The following ZNF776 variants were observed in gnomAD, a reference collection of about 807,000 sequenced individuals.
ZNF776 encodes zinc finger protein 776.
ZNF776 carries 4 observed loss-of-function variants against 7.0 expected under a neutral mutation model. The ratio of observed to expected loss-of-function variants is 0.57; its 90% CI spans 0.28 to 1.31. The LOEUF (loss-of-function observed/expected upper bound fraction) is 1.31. ZNF776 is among the 50% of genes most tolerant of loss of function. The pLI, the probability that ZNF776 is intolerant of heterozygous loss-of-function variation, is 0.10. For missense variants in ZNF776, 555 were observed against 625.9 expected (o/e 0.89, Z 1.21); for synonymous variants, 212 against 213.7 (o/e 0.99, Z 0.07).
Position 57,755,120 on chromosome 19 carries a change from T to G in ZNF776, c.*433T>G, listed in dbSNP as rs1986739133. 1 of 188,596 alleles carries G rather than the reference T, an allele frequency of 5.3e-6. No individual in the cohort carries two copies. Among genetic ancestry groups the G allele is most frequent in the Admixed American group, 5.4e-5 (1 of 18,514 alleles). 11.7% of individuals were successfully genotyped at this position (188,596 alleles called of 1,614,324 possible). A position where few individuals can be genotyped will look rare whatever the true frequency, so the allele number is the denominator to read the frequency against. On this transcript the variant is annotated 3_prime_UTR_variant, in exon 3 of 3. Transcript: ENST00000317178. ...ATAATAATTTCTCACATAATAAATG[T>G]GAGAAATCATTTCCGTACAGCTCTG... is the stretch of plus-strand genomic sequence containing the variant.
chr19:57,754,467 G>C lies in ZNF776; in HGVS notation c.1337G>C (p.Ser446Thr), dbSNP rs1034905579. The C allele has an allele frequency of 1.2e-6, 2 of 1,613,908 alleles. No homozygotes were observed. Among genetic ancestry groups the C allele is most frequent in the African/African-American group, 1.3e-5 (1 of 74,940 alleles). ...GGGAAATGTTTTCATCAAAAGGGCA[G>C]TCTCATTCAACATCAGCAGATCCAC... ...ECGKCFHQKG[S>T]LIQHQQIHSG... is the part of the protein sequence containing the mutation. The change falls in exon 3 of 3, where the codon AGT becomes ACT. Residue 446 changes from serine (S) to threonine (T), a missense_variant. Coordinates refer to ENST00000317178, the MANE Select transcript of ZNF776 (RefSeq NM_173632.4).
chr19:57,757,022 G>A lies in ZNF776; in HGVS notation c.*2335G>A, dbSNP rs552132566. On this transcript the variant is annotated 3_prime_UTR_variant, in exon 3 of 3. Transcript: ENST00000317178. Reference sequence around the variant, plus strand: ...AGGTAATTTAAGAATTTTTTATAGAGATAGGGTTTTGCTATTTTACCCTGA... The same window carrying A: ...AGGTAATTTAAGAATTTTTTATAGAAATAGGGTTTTGCTATTTTACCCTGA... 6.2e-6 allele frequency: 2 copies of A among 325,026 alleles called. No homozygotes were observed. The highest frequency in any genetic ancestry group is 8.8e-5 in the East Asian group (1 of 11,384). The allele number at this position is 325,026 out of a possible 1,614,324, so 20.1% of individuals were successfully genotyped here. A position where few individuals can be genotyped will look rare whatever the true frequency, so the allele number is the denominator to read the frequency against.
At position 57,753,885 on chromosome 19, in the gene ZNF776, A is replaced by T. The variant is rs1986687330; in HGVS notation, c.755A>T (p.Asn252Ile). Residue 252 changes from asparagine (N) to isoleucine (I), a missense_variant, in exon 3 of 3, where the codon AAT becomes ATT. Physicochemically the swap from Asn to Ile is moderately radical, Grantham distance 149 (BLOSUM62 -3). Coordinates refer to ENST00000317178, the MANE Select transcript of ZNF776 (RefSeq NM_173632.4). ...TTCACTAGCAAAAGTAATAGTTTTA[A>T]TAATCATCAGGGAGTTCGCACTGGA... ...GKFTSKSNSF[N>I]NHQGVRTGKR... 1 of 1,614,272 alleles carries T rather than the reference A, an allele frequency of 6.2e-7. No individual in the cohort carries two copies. Among genetic ancestry groups the T allele is most frequent in the East Asian group, 2.2e-5 (1 of 44,890 alleles).
intron 2 of ZNF776, among the ~76,000 whole-genome samples, chr19:57,752,541 A>C (rs1986638912): frequency 6.6e-6 from 1 of 152,186 alleles, no homozygotes; most frequent in African/African-American, 2.4e-5. Flanking sequence ...ACCTCTGAGG[A>C]GTAACACCCT....
intron 2 of ZNF776, among the ~76,000 whole-genome samples, chr19:57,751,625 C>CA (rs1376844623): frequency 2.6e-5 from 4 of 151,906 alleles, no homozygotes; most frequent in African/African-American, 9.7e-5. Flanking sequence ...CTCATCCTCC[C>CA]AAAGTGCTGG....
rs1986768859 is a variant in ZNF776 at position 57,756,105 on chromosome 19, T to A, written c.*1418T>A. On this transcript the variant is annotated 3_prime_UTR_variant, in exon 3 of 3. Transcript: ENST00000317178. ...ACCCTCATAATGTTTTAAGAAAGTTTACAAATTTGTGTTGGGCTGCATTCA... is the reference window on the plus strand; with the variant it reads ...ACCCTCATAATGTTTTAAGAAAGTTAACAAATTTGTGTTGGGCTGCATTCA... 6.6e-6 allele frequency: 1 copy of A among 152,204 alleles called. No homozygotes were observed. Among genetic ancestry groups the A allele is most frequent in the African/African-American group, 2.4e-5 (1 of 41,454 alleles). 9.4% of individuals were successfully genotyped at this position (152,204 alleles called of 1,614,324 possible).
chr19:57,754,303 A>G lies in ZNF776; in HGVS notation c.1173A>G (p.Leu391=). Residue 391 remains leucine (L), a synonymous_variant, in exon 3 of 3, where the codon CTA becomes CTG. Transcript: ENST00000317178. ...CGKLFRSNSH[L]KEHQRVHTGE... ...AGTTATTTAGGAGCAACTCCCACCT[A>G]AAGGAACACCAGAGAGTTCACACTG... 6.2e-7 allele frequency: 1 copy of G among 1,612,016 alleles called. No homozygotes were observed. Among genetic ancestry groups the G allele is most frequent in the South Asian group, 1.1e-5 (1 of 90,944 alleles).
At chr19:57,751,868 G>GGTTTTTTTT (rs1986613708) in intron 2 of ZNF776, among the ~76,000 whole-genome samples, 1 of 67,506 alleles carries the variant, frequency 1.5e-5, no homozygotes, top group African/African-American at 5.5e-5. Flanking sequence ...TTTTGGTTTT[G>GGTTTTTTTT]TTTTTTTTTT....
intron 2 of ZNF776, among the ~76,000 whole-genome samples, chr19:57,752,897 A>G (rs1986647594): frequency 2.0e-5 from 3 of 152,234 alleles, no homozygotes; most frequent in Admixed American, 6.5e-5. Flanking sequence ...TGACACACAA[A>G]CAAGTGTATC....
At chr19:57,750,350 C>T (rs913621675) in intron 1 of ZNF776, among the ~76,000 whole-genome samples, 1 of 150,958 alleles carries the variant, frequency 6.6e-6, no homozygotes. Flanking sequence ...GAGAATTACT[C>T]GAGCCCAGTA....
chr19:57,754,215 A>G lies in ZNF776; in HGVS notation c.1085A>G (p.Asn362Ser). The G allele has an allele frequency of 1.2e-6, 2 of 1,613,454 alleles. No individual in the cohort carries two copies. Among genetic ancestry groups the G allele is most frequent in the Non-Finnish European group, 1.7e-6 (2 of 1,179,826 alleles). ...ECGKSFNHKC[N>S]LIQHQRVHTG... is the part of the protein sequence containing the mutation. ...GGGAAATCGTTTAATCACAAGTGCA[A>G]CCTCATTCAGCATCAGCGAGTTCAC... is the stretch of plus-strand genomic sequence containing the variant. The change falls in exon 3 of 3, where the codon AAC (asparagine) becomes AGC (serine). Residue 362 changes from asparagine (N) to serine (S), a missense_variant. Coordinates refer to ENST00000317178, the MANE Select transcript of ZNF776 (RefSeq NM_173632.4).
At position 57,753,634 on chromosome 19, in the gene ZNF776, G is replaced by T. The variant is rs1296502186; in HGVS notation, c.504G>T (p.Glu168Asp). 5 of 1,614,016 alleles carry T rather than the reference G, an allele frequency of 3.1e-6. No homozygotes were observed. The Admixed American group carries it at 8.3e-5, about 27-fold the overall frequency. ...HMSHEPFIFHEVGKDFLSSLR... is the reference protein window; with the variant it reads ...HMSHEPFIFHDVGKDFLSSLR... ...CACATGAGCCATTTATCTTTCATGAGGTTGGGAAAGACTTTTTGTCCAGCT... is the reference window on the plus strand; with the variant it reads ...CACATGAGCCATTTATCTTTCATGATGTTGGGAAAGACTTTTTGTCCAGCT... The change falls in exon 3 of 3, where the codon GAG (glutamate) becomes GAT (aspartate). Residue 168 changes from glutamate (E) to aspartate (D), a missense_variant. Glu to Asp is a conservative substitution (Grantham distance 45). Coordinates refer to ENST00000317178, the MANE Select transcript of ZNF776 (RefSeq NM_173632.4).
At chr19:57,748,360 T>C (rs1986500473) in intron 1 of ZNF776, among the ~76,000 whole-genome samples, 1 of 152,196 alleles carries the variant, frequency 6.6e-6, no homozygotes, top group African/African-American at 2.4e-5. Flanking sequence ...ATAAACATAA[T>C]TAGAATATTA....
At position 57,755,654 on chromosome 19, in the gene ZNF776, A is replaced by G. The variant is rs1257481430; in HGVS notation, c.*967A>G. Reference sequence around the variant, plus strand: ...CCTTATGAGGACACCATCAACCTATATTGAATGTCATATGTCCAGTAGCTG... The same window carrying G: ...CCTTATGAGGACACCATCAACCTATGTTGAATGTCATATGTCCAGTAGCTG... On this transcript the variant is annotated 3_prime_UTR_variant, in exon 3 of 3. Transcript: ENST00000317178. 1.3e-5 allele frequency: 2 copies of G among 152,202 alleles called. No homozygotes were observed. Among genetic ancestry groups the G allele is most frequent in the Non-Finnish European group, 2.9e-5 (2 of 68,040 alleles). The allele number at this position is 152,202 out of a possible 1,614,324, so 9.4% of individuals were successfully genotyped here. A position where few individuals can be genotyped will look rare whatever the true frequency, so the allele number is the denominator to read the frequency against.
In ZNF776 at chr19:57,747,629, C is replaced by G. The variant is rs183600985; in HGVS notation, c.33+538C>G. On this transcript the variant is annotated intron_variant, in intron 1 of 2. Transcript: ENST00000317178. ...GTTCAGACAACCAACTCGCGTTTACCTAGTTACAGGGCCAAGAAAGAGTTC... is the reference window on the plus strand; with the variant it reads ...GTTCAGACAACCAACTCGCGTTTACGTAGTTACAGGGCCAAGAAAGAGTTC... 2.3e-3 allele frequency among the ~76,000 whole-genome samples: 343 copies of G among 152,242 alleles called. 3 individuals carry two copies. The highest frequency in any genetic ancestry group is 7.2e-3 in the African/African-American group (298 of 41,520).
At position 57,756,696 on chromosome 19, in the gene ZNF776, A is replaced by C. The variant is rs1986786863; in HGVS notation, c.*2009A>C. The C allele has an allele frequency of 9.8e-6, 2 of 204,160 alleles. No individual in the cohort carries two copies. The highest frequency in any genetic ancestry group is 1.2e-4 in the South Asian group (2 of 17,060). 12.6% of individuals were successfully genotyped at this position (204,160 alleles called of 1,614,324 possible). A position where few individuals can be genotyped will look rare whatever the true frequency, so the allele number is the denominator to read the frequency against. ...CTTTGGTGCTTCTGAGAACAGCACA[A>C]AATTATTCTCTTGTTTATAATGGAT... On this transcript the variant is annotated 3_prime_UTR_variant, in exon 3 of 3. Coordinates refer to ENST00000317178, the MANE Select transcript of ZNF776 (RefSeq NM_173632.4).
chr19:57,751,868 G>GGTTTTTTTTTT (rs1986613708), intron 2 of ZNF776, among the ~76,000 whole-genome samples: 1 of 67,506 alleles, frequency 1.5e-5, no homozygotes, highest in African/African-American at 5.5e-5. Flanking sequence ...TTTTGGTTTT[G>GGTTTTTTTTTT]TTTTTTTTTT....
At chr19:57,750,714 G>A (rs1158268940) in intron 1 of ZNF776, 71 bp from the exon 2 acceptor site, 6 of 1,520,206 alleles carry the variant, frequency 3.9e-6, no homozygotes, top group Admixed American at 2.1e-5. Context: ...CTTGGGAGGA[G>A]GAAGGGCAAG....
chr19:57,747,623 G>A (rs746193918), intron 1 of ZNF776, among the ~76,000 whole-genome samples: 3 of 152,122 alleles, frequency 2.0e-5, no homozygotes, highest in Non-Finnish European at 4.4e-5. Flanking sequence ...ACCAACTCGC[G>A]TTTACCTAGT....
Sources: allele counts gnomAD v4.1 joint callset (sites outside exome capture counted in the v4.1 genomes callset), GRCh38; gene constraint gnomAD v4.1.1; transcripts MANE v1.5; gene names NCBI Gene and HGNC (gene_info 2026-07-23, HGNC 2026-07-21).